Variants in PTPN12 observed in about 807,000 individuals in gnomAD.
PTPN12 encodes protein tyrosine phosphatase non-receptor type 12.
In PTPN12, 29 loss-of-function variants were observed where a neutral mutation model predicts 97.6. The ratio of observed to expected loss-of-function variants is 0.30; its 90% CI spans 0.22 to 0.41. PTPN12 has a LOEUF of 0.41. PTPN12 is among the 10% of genes least tolerant of loss of function. The pLI, the probability that PTPN12 is intolerant of heterozygous loss-of-function variation, is 1.00. For synonymous variants in PTPN12, 327 were observed against 300.4 expected (o/e 1.09, Z -0.91); for missense variants, 819 against 926.0 (o/e 0.88, Z 1.50).
At chr7:77,576,925 AG>A (rs1452025262) in intron 2 of PTPN12, among the ~76,000 whole-genome samples, 1 of 152,206 alleles carries the variant, frequency 6.6e-6, no homozygotes, top group African/African-American at 2.4e-5. Context: ...GTGGCAGAAA[AG>A]CCAGCTGGGA....
At chr7:77,549,201 G>A (rs1009917734) in intron 1 of PTPN12, among the ~76,000 whole-genome samples, 2 of 152,160 alleles carry the variant, frequency 1.3e-5, no homozygotes, top group Non-Finnish European at 2.9e-5. Flanking sequence ...GAAAGGAAGG[G>A]ATGGCTTGAT....
chr7:77,639,273 G>A lies in PTPN12; in HGVS notation c.2336G>A (p.Trp779Ter). 1 of 1,611,970 alleles carries A rather than the reference G, an allele frequency of 6.2e-7. No homozygotes were observed. The highest frequency in any genetic ancestry group is 1.1e-5 in the South Asian group (1 of 90,876). Residue 779 changes from tryptophan (W) to a stop codon, truncating the protein, a stop_gained, in exon 18 of 18, where the codon TGG becomes TAG. Transcript: ENST00000248594. LOFTEE classifies it high-confidence loss of function. The part of the protein sequence containing the change: ...PKGPRDPPSE[W>*]T ...GGACCAAGAGATCCACCTTCAGAAT[G>A]GACATGATTCAGGGAGCTAGAAGAC...
Position 77,583,611 on chromosome 7 carries a change from A to G in PTPN12, c.342A>G (p.Val114=), listed in dbSNP as rs1787592738. 1.2e-6 allele frequency: 2 copies of G among 1,611,160 alleles called. No individual in the cohort carries two copies. The highest frequency in any genetic ancestry group is 1.7e-6 in the Non-Finnish European group (2 of 1,178,520). Residue 114 remains valine, a synonymous_variant, in exon 4 of 18, where the codon GTA becomes GTG. Coordinates refer to ENST00000248594, the MANE Select transcript of PTPN12 (RefSeq NM_002835.4). ...CTCAAGGACCTTTAGCAAATACAGT[A>G]ATAGATTTTTGGAGGATGATATGGG... ...VATQGPLANT[V]IDFWRMIWEY...
intron 11 of PTPN12, among the ~76,000 whole-genome samples, chr7:77,616,517 AGTTTT>A (rs1422389237): frequency 1.3e-5 from 2 of 152,212 alleles, no homozygotes; most frequent in African/African-American, 4.8e-5. Flanking sequence ...AAGAAAACAT[AGTTTT>A]GTTTTGTTTT....
chr7:77,633,534 C>A (rs140921104), intron 14 of PTPN12, among the ~76,000 whole-genome samples: 2,785 of 147,600 alleles, frequency 0.019, 34 homozygotes, highest in Middle Eastern at 0.079. Flanking sequence ...GCTTGAACCC[C>A]GGAGGCAGAG....
Position 77,638,646 on chromosome 7 carries a change from C to T in PTPN12, c.2196C>T (p.His732=), listed in dbSNP as rs1482446540. 4 of 1,600,736 alleles carry T rather than the reference C, an allele frequency of 2.5e-6. No individual in the cohort carries two copies. The highest frequency in any genetic ancestry group is 1.3e-5 in the African/African-American group (1 of 74,234). Residue 732 remains histidine, a synonymous_variant, in exon 17 of 18, where the codon CAC becomes CAT. Transcript: ENST00000248594. ...EKCDHPAGGI[H]YEMCIECPPT... ...TAGATCATCCAGCGGGAGGTATTCACTATGAAATGTGCATAGAATGTCCAC... is the reference window on the plus strand; with the variant it reads ...TAGATCATCCAGCGGGAGGTATTCATTATGAAATGTGCATAGAATGTCCAC...
chr7:77,603,048 C>A (rs1275297469), intron 8 of PTPN12, among the ~76,000 whole-genome samples: 1 of 152,058 alleles, frequency 6.6e-6, no homozygotes, highest in Admixed American at 6.6e-5. Context: ...TATTCATGGG[C>A]CAGGAAAGTA....
intron 11 of PTPN12, among the ~76,000 whole-genome samples, chr7:77,616,939 C>T (rs55689723): frequency 0.26 from 39,594 of 151,932 alleles, 5,269 homozygotes; most frequent in Non-Finnish European, 0.28. Flanking sequence ...TGCACCACCA[C>T]GCCTGGCTAA....
intron 13 of PTPN12, 124 bp downstream of exon 13, chr7:77,627,799 CTG>C: frequency 1.0e-6 from 1 of 957,010 alleles, no homozygotes; most frequent in Non-Finnish European, 1.4e-6. Context: ...ACAGCAAAAT[CTG>C]TCTTAGATAC....
chr7:77,541,932 C>T (rs1806995083), intron 1 of PTPN12, among the ~76,000 whole-genome samples: 1 of 152,168 alleles, frequency 6.6e-6, no homozygotes, highest in Admixed American at 6.5e-5. Context: ...TCTCAATTAT[C>T]TCTACTTTTA....
chr7:77,564,750 T>TTTTTTG (rs1808172344), intron 1 of PTPN12, among the ~76,000 whole-genome samples: 1 of 63,372 alleles, frequency 1.6e-5, no homozygotes, highest in East Asian at 4.5e-4. Flanking sequence ...TGTCGTGTTT[T>TTTTTTG]TTTTTTTTTT....
intron 1 of PTPN12, among the ~76,000 whole-genome samples, chr7:77,567,449 T>C (rs1808310128): frequency 1.3e-5 from 2 of 152,148 alleles, no homozygotes; most frequent in Admixed American, 6.5e-5. Flanking sequence ...AAGTAAGCTT[T>C]GGAGGTGTGC....
At chr7:77,583,990 C>T (rs1273910533) in intron 4 of PTPN12, among the ~76,000 whole-genome samples, 1 of 152,154 alleles carries the variant, frequency 6.6e-6, no homozygotes, top group Non-Finnish European at 1.5e-5. Context: ...TTGAGTCCCT[C>T]TTCTCAGGAA....
At chr7:77,621,004 G>A (rs1364515216) in intron 12 of PTPN12, among the ~76,000 whole-genome samples, 5 of 152,232 alleles carry the variant, frequency 3.3e-5, no homozygotes, top group African/African-American at 9.6e-5. Flanking sequence ...GCTCACGCCT[G>A]TAGTCCCAAC....
rs965200384 is a variant in PTPN12 at position 77,539,693 on chromosome 7, A to G, written c.99+2048A>G. Among the ~76,000 whole-genome samples, 47 of 152,198 alleles carry G rather than the reference A, an allele frequency of 3.1e-4. 1 individual carries two copies. Among genetic ancestry groups the G allele is most frequent in the Admixed American group, 3.1e-3 (47 of 15,290 alleles). ...GCCCCGGCTGGAGTGCAGCGGCGCAATCTCAGCTCACTGCAACCTCTGCCT... is the reference window on the plus strand; with the variant it reads ...GCCCCGGCTGGAGTGCAGCGGCGCAGTCTCAGCTCACTGCAACCTCTGCCT... On this transcript the variant is annotated intron_variant, in intron 1 of 17. Coordinates refer to ENST00000248594, the MANE Select transcript of PTPN12 (RefSeq NM_002835.4).
chr7:77,592,448 C>T (rs781472434), intron 6 of PTPN12, 192 bp downstream of exon 6: 35 of 462,610 alleles, frequency 7.6e-5, no homozygotes, highest in Non-Finnish European at 1.1e-4. Flanking sequence ...TTCATAAATG[C>T]ATATTTTCCT....
At chr7:77,578,428 A>G (rs959375603) in intron 2 of PTPN12, among the ~76,000 whole-genome samples, 16 of 152,190 alleles carry the variant, frequency 1.1e-4, no homozygotes, top group Admixed American at 3.3e-4. Flanking sequence ...TGACAAACAT[A>G]TTTTAAACAT....
chr7:77,592,209 T>C lies in PTPN12; in HGVS notation c.445T>C (p.Leu149=), dbSNP rs374816877. 8.7e-6 allele frequency: 14 copies of C among 1,605,894 alleles called. No individual in the cohort carries two copies. In the South Asian group the frequency reaches 1.0e-4, roughly 12 times the overall value. ...GRKKCERYWP[L]YGEDPITFAP... is the part of the protein sequence containing the mutation. ...GAAAAAATGTGAGCGCTATTGGCCT[T>C]TGTATGGAGAAGACCCCATAACGTT... The change falls in exon 6 of 18, where the codon TTG becomes CTG. Residue 149 remains leucine (L), a synonymous_variant. Transcript: ENST00000248594.
chr7:77,545,069 A>G (rs1307090288), intron 1 of PTPN12, among the ~76,000 whole-genome samples: 2 of 152,220 alleles, frequency 1.3e-5, no homozygotes, highest in African/African-American at 4.8e-5. Flanking sequence ...TAACTTCTGT[A>G]TTTGTGCATC....
Sources: gnomAD v4.1 joint callset for allele counts (sites outside exome capture counted in the v4.1 genomes callset) on GRCh38, gnomAD v4.1.1 for gene constraint, MANE v1.5 for transcripts, NCBI Gene and HGNC (gene_info 2026-07-23, HGNC 2026-07-21) for gene names.